Variants in MRPS28 observed in about 807,000 individuals in gnomAD.
MRPS28 encodes the protein small ribosomal subunit protein bS1m.
MRPS28 carries 7 observed loss-of-function variants against 10.8 expected under a neutral mutation model. The ratio of observed to expected loss-of-function variants is 0.65; its 90% confidence interval spans 0.37 to 1.22. The LOEUF (loss-of-function observed/expected upper bound fraction) is 1.22. Among genes scored for constraint, MRPS28 ranks in the 50% most tolerant of loss-of-function variants. The pLI is 0.02. For synonymous variants in MRPS28, 121 were observed against 93.3 expected (o/e 1.30, Z -1.71); for missense variants, 265 against 232.9 (o/e 1.14, Z -0.90).
chr8:79,956,662 C>T (rs1281282843), intron 2 of MRPS28: 1 of 152,078 alleles, frequency 6.6e-6, no homozygotes. Flanking sequence ...ACCCCAGTGT[C>T]TGTTGTTTCC....
intron 2 of MRPS28, among the ~76,000 whole-genome samples, chr8:79,983,364 C>T (rs538680620): frequency 1.2e-4 from 18 of 152,160 alleles, no homozygotes; most frequent in African/African-American, 3.6e-4. Context: ...AAAAGCAGAG[C>T]GCCTCTCCTC....
intron 2 of MRPS28, among the ~76,000 whole-genome samples, chr8:79,926,104 T>C (rs959119136): frequency 1.3e-5 from 2 of 152,018 alleles, no homozygotes; most frequent in Non-Finnish European, 2.9e-5. Context: ...TAAATATTTT[T>C]TGCTAGTCAA....
At chr8:79,973,854 G>T (rs1408250277) in intron 2 of MRPS28, among the ~76,000 whole-genome samples, 1 of 123,876 alleles carries the variant, frequency 8.1e-6, no homozygotes, top group East Asian at 2.4e-4. Context: ...AAAAAAAAAA[G>T]AAAGAAAGAA....
At chr8:80,006,012 T>C (rs935648120) in intron 1 of MRPS28, among the ~76,000 whole-genome samples, 1 of 152,160 alleles carries the variant, frequency 6.6e-6, no homozygotes, top group African/African-American at 2.4e-5. Context: ...ACAAAGAGAC[T>C]TAGACTCCCA....
chr8:79,988,412 TAAAGTA>T (rs1356908163), intron 2 of MRPS28, among the ~76,000 whole-genome samples: 1 of 150,184 alleles, frequency 6.7e-6, no homozygotes, highest in Non-Finnish European at 1.5e-5. Context: ...CCCTAAAACT[TAAAGTA>T]TAATAATAAT....
chr8:80,016,696 A>T (rs1809205229), intron 1 of MRPS28, among the ~76,000 whole-genome samples: 1 of 152,250 alleles, frequency 6.6e-6, no homozygotes. Context: ...TCTAACAATT[A>T]ACAGTTTGTT....
At chr8:79,968,236 CA>C (rs1165056543) in intron 2 of MRPS28, among the ~76,000 whole-genome samples, 1 of 152,076 alleles carries the variant, frequency 6.6e-6, no homozygotes, top group African/African-American at 2.4e-5. Context: ...CTTCAATTTC[CA>C]TAATTTCTAC....
chr8:79,959,705 C>T (rs1249541356), intron 2 of MRPS28, among the ~76,000 whole-genome samples: 1 of 151,978 alleles, frequency 6.6e-6, no homozygotes, highest in Non-Finnish European at 1.5e-5. Context: ...TATCAACCAT[C>T]CAAATAGCAA....
intron 1 of MRPS28, among the ~76,000 whole-genome samples, chr8:80,010,574 T>C (rs1809013597): frequency 6.6e-6 from 1 of 152,202 alleles, no homozygotes; most frequent in Admixed American, 6.5e-5. Flanking sequence ...TTTTTAATGT[T>C]TTAATTTTCC....
intron 1 of MRPS28, among the ~76,000 whole-genome samples, chr8:80,003,818 A>G (rs1808740730): frequency 1.3e-5 from 2 of 152,214 alleles, no homozygotes; most frequent in African/African-American, 2.4e-5. Flanking sequence ...GGTCTTAGCC[A>G]ACGGCACACC....
chr8:79,919,253 A>T, intron 2 of MRPS28, 105 bp from the exon 3 acceptor site: 2 of 877,292 alleles, frequency 2.3e-6, no homozygotes, highest in Non-Finnish European at 3.1e-6. Flanking sequence ...TGTTAGCTCA[A>T]GATGAAGTTA....
At chr8:79,934,600 C>A (rs1291002526) in intron 2 of MRPS28, among the ~76,000 whole-genome samples, 1 of 152,156 alleles carries the variant, frequency 6.6e-6, no homozygotes, top group Admixed American at 6.6e-5. Context: ...AAGACAAGAA[C>A]AGATAATACT....
At chr8:79,930,343 C>T (rs1035949971) in intron 2 of MRPS28, among the ~76,000 whole-genome samples, 1 of 152,202 alleles carries the variant, frequency 6.6e-6, no homozygotes, top group African/African-American at 2.4e-5. Context: ...TCCCGTGTTA[C>T]TCTTTAATCT....
chr8:79,962,246 G>C (rs1452506600), intron 2 of MRPS28, among the ~76,000 whole-genome samples: 1 of 152,034 alleles, frequency 6.6e-6, no homozygotes, highest in African/African-American at 2.4e-5. Flanking sequence ...AGGTGATCCT[G>C]AATGGCCATG....
At chr8:79,997,712 T>G (rs1362583676) in intron 2 of MRPS28, among the ~76,000 whole-genome samples, 2 of 152,138 alleles carry the variant, frequency 1.3e-5, no homozygotes, top group Non-Finnish European at 2.9e-5. Flanking sequence ...CAAATTTTAT[T>G]AGTTTGTACA....
At chr8:80,006,121 C>T (rs1362468774) in intron 1 of MRPS28, among the ~76,000 whole-genome samples, 1 of 152,092 alleles carries the variant, frequency 6.6e-6, no homozygotes, top group Admixed American at 6.6e-5. Context: ...AACTCAGCTC[C>T]ACACCAAGTG....
chr8:79,976,666 A>G (rs1026094133), intron 2 of MRPS28, among the ~76,000 whole-genome samples: 1 of 152,162 alleles, frequency 6.6e-6, no homozygotes. Flanking sequence ...AGATCGCGCC[A>G]CTGCACTCCA....
At chr8:79,982,073 C>T (rs191186111) in intron 2 of MRPS28, among the ~76,000 whole-genome samples, 17 of 152,136 alleles carry the variant, frequency 1.1e-4, no homozygotes, top group African/African-American at 4.1e-4. Flanking sequence ...ATGGTGAAAC[C>T]CCATCTCTAC....
chr8:80,029,829 C>A, intron 1 of MRPS28: 4 of 1,532,918 alleles, frequency 2.6e-6, no homozygotes, highest in Non-Finnish European at 3.5e-6. Context: ...TACGCAAATG[C>A]CACACAAAAG....
Sources: allele counts gnomAD v4.1 joint callset (sites outside exome capture counted in the v4.1 genomes callset), GRCh38; gene constraint gnomAD v4.1.1; transcripts MANE v1.5; gene names NCBI Gene and HGNC (gene_info 2026-07-23, HGNC 2026-07-21).